Variants in ZFHX3 observed in about 807,000 individuals in gnomAD.
The protein encoded by ZFHX3 is zinc finger homeobox protein 3.
In ZFHX3, 42 loss-of-function variants were observed where a neutral mutation model predicts 279.1. The observed-to-expected ratio is 0.15, with a 90% confidence interval of 0.12 to 0.19. The LOEUF (loss-of-function observed/expected upper bound fraction) is 0.19, where lower values mean the gene tolerates loss of function less well. Ranked by LOEUF, ZFHX3 falls within the 10% of genes least tolerant of loss-of-function variation. ZFHX3 has a pLI of 1.00. For synonymous variants in ZFHX3, 2,293 were observed against 1,957.8 expected (o/e 1.17, Z -4.52); for missense variants, 4,981 against 4,754.0 (o/e 1.05, Z -1.40).
intron 5 of ZFHX3, among the ~76,000 whole-genome samples, chr16:72,816,047 T>C (rs535030363): frequency 6.6e-6 from 1 of 152,338 alleles, no homozygotes; most frequent in East Asian, 1.9e-4. Context: ...AAATGTGTAT[T>C]ATCCCATGTT....
At chr16:73,803,443 C>T (rs951221551) in intron 1 of ZFHX3, among the ~76,000 whole-genome samples, 1 of 152,112 alleles carries the variant, frequency 6.6e-6, no homozygotes, top group Non-Finnish European at 1.5e-5. Context: ...TAAATTGCTA[C>T]AAGATTTAAG....
At chr16:73,256,073 C>G (rs899187457) in intron 5 of ZFHX3, among the ~76,000 whole-genome samples, 2 of 152,156 alleles carry the variant, frequency 1.3e-5, no homozygotes, top group Admixed American at 6.5e-5. Flanking sequence ...GAGGCGATGA[C>G]CATGACATCT....
chr16:72,959,004 G>T lies in ZFHX3; in HGVS notation c.1142C>A (p.Ala381Glu), dbSNP rs142313117. 7 of 1,610,324 alleles carry T rather than the reference G, an allele frequency of 4.3e-6. No individual in the cohort carries two copies. The South Asian group carries it at 4.4e-5, about 10-fold the overall frequency. Residue 381 changes from alanine (A) to glutamate (E), a missense_variant, in exon 2 of 10, where the codon GCG becomes GAG. Transcript: ENST00000268489. Reference protein sequence around the residue: ...IRMEGEEALPAGSAAGPEQPQ... With the variant: ...IRMEGEEALPEGSAAGPEQPQ... ...CTGCTCGGGGCCAGCGGCGGAGCCC[G>T]CTGGGAGAGCTTCCTCCCCTTCCAT...
chr16:73,326,334 A>G (rs1033291453), intron 3 of ZFHX3, among the ~76,000 whole-genome samples: 1 of 152,222 alleles, frequency 6.6e-6, no homozygotes, highest in African/African-American at 2.4e-5. Context: ...TAACGGGCTA[A>G]TGTTCAACAG....
chr16:73,388,353 G>A (rs1398261171), intron 3 of ZFHX3, among the ~76,000 whole-genome samples: 3 of 152,170 alleles, frequency 2.0e-5, no homozygotes, highest in Non-Finnish European at 4.4e-5. Flanking sequence ...CAGCACCAAA[G>A]GGTAATGATC....
intron 4 of ZFHX3, among the ~76,000 whole-genome samples, chr16:73,313,010 TG>T (rs1288720183): frequency 6.6e-6 from 1 of 152,240 alleles, no homozygotes; most frequent in Non-Finnish European, 1.5e-5. Flanking sequence ...CATGTTGAAT[TG>T]TCATCCCCAT....
chr16:73,648,985 A>G (rs546279932), intron 2 of ZFHX3, among the ~76,000 whole-genome samples: 11 of 152,338 alleles, frequency 7.2e-5, no homozygotes, highest in East Asian at 3.9e-4. Flanking sequence ...AGATGCACAT[A>G]TCTTTACATT....
At chr16:73,045,161 T>A (rs1424390511) in intron 1 of ZFHX3, among the ~76,000 whole-genome samples, 1 of 152,220 alleles carries the variant, frequency 6.6e-6, no homozygotes, top group Non-Finnish European at 1.5e-5. Context: ...CCCTGAAAGA[T>A]ACACCAAAAA....
chr16:73,666,037 C>T (rs1428939686), intron 2 of ZFHX3, among the ~76,000 whole-genome samples: 2 of 151,566 alleles, frequency 1.3e-5, no homozygotes, highest in Non-Finnish European at 1.5e-5. Flanking sequence ...AGTATGGTCT[C>T]GATCTCCTGA....
intron 4 of ZFHX3, among the ~76,000 whole-genome samples, chr16:72,885,656 G>A (rs1035744858): frequency 6.6e-6 from 1 of 152,230 alleles, no homozygotes; most frequent in Non-Finnish European, 1.5e-5. Flanking sequence ...CCTGTAGGAG[G>A]TGACATGAGA....
chr16:73,031,803 G>A (rs191772709), intron 1 of ZFHX3, among the ~76,000 whole-genome samples: 7 of 152,276 alleles, frequency 4.6e-5, no homozygotes, highest in East Asian at 1.9e-4. Flanking sequence ...AAGGCCCACT[G>A]TGACCCTTGC....
chr16:73,755,898 C>T (rs1237560837), intron 1 of ZFHX3, among the ~76,000 whole-genome samples: 1 of 152,186 alleles, frequency 6.6e-6, no homozygotes, highest in Non-Finnish European at 1.5e-5. Flanking sequence ...TTGTCATCAG[C>T]GAGGCACTCG....
chr16:73,001,336 G>A (rs1245995323), intron 1 of ZFHX3, among the ~76,000 whole-genome samples: 7 of 152,138 alleles, frequency 4.6e-5, no homozygotes, highest in African/African-American at 1.7e-4. Context: ...GTCTTCAGAT[G>A]AGACCACGGC....
intron 1 of ZFHX3, among the ~76,000 whole-genome samples, chr16:72,994,525 T>C (rs1178517900): frequency 6.6e-6 from 1 of 152,090 alleles, no homozygotes; most frequent in Non-Finnish European, 1.5e-5. Context: ...GGAACAAAAG[T>C]CATCGAGCCA....
intron 2 of ZFHX3, among the ~76,000 whole-genome samples, chr16:73,536,194 C>A (rs1597373270): frequency 6.6e-6 from 1 of 152,242 alleles, no homozygotes; most frequent in South Asian, 2.1e-4. Context: ...ACAGGTATAG[C>A]TATCTTTAAA....
At chr16:73,172,154 C>T (rs1271823193) in intron 5 of ZFHX3, among the ~76,000 whole-genome samples, 1 of 152,178 alleles carries the variant, frequency 6.6e-6, no homozygotes, top group Non-Finnish European at 1.5e-5. Context: ...AGAGCATGTT[C>T]GGCCTTTTGA....
intron 2 of ZFHX3, among the ~76,000 whole-genome samples, chr16:73,460,777 A>G (rs2018457613): frequency 6.6e-6 from 1 of 152,212 alleles, no homozygotes; most frequent in Non-Finnish European, 1.5e-5. Flanking sequence ...TGTCCTCACA[A>G]CAGTGAGTTC....
chr16:73,040,454 T>G (rs1012564341), intron 1 of ZFHX3, among the ~76,000 whole-genome samples: 2 of 151,888 alleles, frequency 1.3e-5, no homozygotes, highest in Non-Finnish European at 2.9e-5. Flanking sequence ...TCAGGCCTAT[T>G]AGCATACACA....
chr16:73,158,061 T>A (rs1967137547), intron 5 of ZFHX3, among the ~76,000 whole-genome samples: 1 of 152,186 alleles, frequency 6.6e-6, no homozygotes, highest in Non-Finnish European at 1.5e-5. Context: ...GAGGAAATCA[T>A]GTGGTATTTT....
Sources: gnomAD v4.1 joint callset for allele counts (sites outside exome capture counted in the v4.1 genomes callset) on GRCh38, gnomAD v4.1.1 for gene constraint, MANE v1.5 for transcripts, NCBI Gene and HGNC (gene_info 2026-07-23, HGNC 2026-07-21) for gene names.